HNRNPL: variants seen among roughly 807,000 people sequenced by gnomAD.
The protein encoded by HNRNPL is epididymis secretory sperm binding protein.
HNRNPL carries 12 observed loss-of-function variants against 64.0 expected under a neutral mutation model. That is an observed-to-expected ratio of 0.19 (90% CI 0.12 to 0.30). The LOEUF (loss-of-function observed/expected upper bound fraction) is 0.30, where lower values mean the gene tolerates loss of function less well. Among genes scored for constraint, HNRNPL ranks in the 10% least tolerant of loss-of-function variants. HNRNPL has a pLI of 1.00. For missense variants in HNRNPL, 484 were observed against 797.4 expected, an observed-to-expected ratio of 0.61 and a Z score of 4.73; for synonymous variants, 385 against 313.0, an observed-to-expected ratio of 1.23 and a Z score of -2.43.
At chr19:38,841,527 T>C (rs1157623294) in intron 6 of HNRNPL, 1 of 606,982 alleles carries the variant, frequency 1.6e-6, no homozygotes, top group East Asian at 6.6e-5. Context: ...TACCAGTCAT[T>C]ACAAAATGGA....
Position 38,849,877 on chromosome 19 carries a change from T to A in HNRNPL, c.90A>T (p.Gly30=). 8.1e-7 allele frequency: 1 copy of A among 1,229,394 alleles called. No individual in the cohort carries two copies. Among genetic ancestry groups the A allele is most frequent in the Non-Finnish European group, 1.1e-6 (1 of 870,194 alleles). The allele number at this position is 1,229,394 out of a possible 1,614,324, so 76.2% of individuals were successfully genotyped here. ...CCGCCGCCGCCATCTTCACCATCGC[T>A]CCCGACCGCCTCCGCTGCTCGTCCG... ...QQPDEQRRRS[G]AMVKMAAAGG... The change falls in exon 1 of 13, where the codon GGA becomes GGT. Residue 30 remains glycine, a synonymous_variant. Transcript: ENST00000221419.
Position 38,836,704 on chromosome 19 carries a change from C to T in HNRNPL, c.*18G>A. 6.3e-7 allele frequency: 1 copy of T among 1,577,928 alleles called. No individual in the cohort carries two copies. On this transcript the variant is annotated 3_prime_UTR_variant, in exon 13 of 13. Transcript: ENST00000221419. Reference sequence around the variant, plus strand: ...GAAATGTCTTCCTGCTCAGATGGGACTCTTCCTAGGCACCTAATTAGGAGG... The same window carrying T: ...GAAATGTCTTCCTGCTCAGATGGGATTCTTCCTAGGCACCTAATTAGGAGG...
rs759724902 is a variant in HNRNPL, at chr19:38,845,925, G to A, written c.552C>T (p.Asp184=). ...TGTTCACGCTCCGGGAGTCATCCGA[G>A]TCCCCAGGGCGGGAGATCTTCTGGC... The part of the protein sequence containing the change: ...STSQKISRPG[D]SDDSRSVNSV... The change falls in exon 3 of 13, where the codon GAC becomes GAT. Residue 184 remains aspartate, a synonymous_variant. Coordinates refer to ENST00000221419, the MANE Select transcript of HNRNPL (RefSeq NM_001533.3). 9 of 1,614,094 alleles carry A rather than the reference G, an allele frequency of 5.6e-6. No homozygotes were observed. The African/African-American group carries it at 8.0e-5, about 14-fold the overall frequency.
chr19:38,842,078 TTTGA>T (rs1461449969), intron 6 of HNRNPL: 3 of 119,880 alleles, frequency 2.5e-5, no homozygotes, highest in Non-Finnish European at 2.1e-5. Flanking sequence ...TTTTGGTTTT[TTTGA>T]TTTTTTTTTT....
chr19:38,845,754 G>A lies in HNRNPL; in HGVS notation c.625-19C>T, dbSNP rs944718704. The A allele has an allele frequency of 1.2e-6, 2 of 1,608,858 alleles. No homozygotes were observed. Among genetic ancestry groups the A allele is most frequent in the Middle Eastern group, 1.6e-4 (1 of 6,072 alleles). ...GAACATCCTGCAAAAGCAAACACAGGCAAGATGAAGGGGCACTGGCAGATC... is the reference window on the plus strand; with the variant it reads ...GAACATCCTGCAAAAGCAAACACAGACAAGATGAAGGGGCACTGGCAGATC... On this transcript the variant is annotated intron_variant, in intron 3 of 12. Transcript: ENST00000221419.
chr19:38,851,982 G>A (rs1415543514), upstream of HNRNPL, among the ~76,000 whole-genome samples: 3 of 152,008 alleles, frequency 2.0e-5, no homozygotes, highest in African/African-American at 7.2e-5. Flanking sequence ...TCGCGACGAA[G>A]GGCGGGGTCG....
chr19:38,846,821 T>G (rs1003250762), intron 2 of HNRNPL, among the ~76,000 whole-genome samples: 1 of 152,110 alleles, frequency 6.6e-6, no homozygotes, highest in Non-Finnish European at 1.5e-5. Flanking sequence ...GGCAGGAGAA[T>G]GGCGTGAACC....
chr19:38,849,989 C>T (rs763409034), upstream of HNRNPL: 3 of 1,325,302 alleles, frequency 2.3e-6, no homozygotes, highest in East Asian at 9.3e-5. Flanking sequence ...CCCGCCTCCC[C>T]CCGCCTCTCA....
intron 8 of HNRNPL, 138 bp downstream of exon 8, chr19:38,839,958 G>A (rs1485380414): frequency 5.4e-6 from 4 of 734,950 alleles, no homozygotes; most frequent in African/African-American, 3.5e-5. Flanking sequence ...TCTGCAAGCA[G>A]GCTGCCTGAG....
intron 8 of HNRNPL, 173 bp from the exon 9 acceptor site, chr19:38,839,188 A>C: frequency 2.8e-6 from 2 of 702,368 alleles, no homozygotes; most frequent in Non-Finnish European, 4.7e-6. Flanking sequence ...CCATAGTGAG[A>C]AGCAGAGCCT....
At chr19:38,841,749 G>T (rs185160843) in intron 6 of HNRNPL, 3 of 664,230 alleles carry the variant, frequency 4.5e-6, no homozygotes, top group Non-Finnish European at 4.7e-6. Context: ...TTTTTTTAAA[G>T]AATTGTTTTA....
chr19:38,836,682 A>AT lies in HNRNPL; in HGVS notation c.*39dup. On this transcript the variant is annotated 3_prime_UTR_variant, in exon 13 of 13. Transcript: ENST00000221419. ...AAAAAATGGCATAAAGGAAAGAGAA[A>AT]TGTCTTCCTGCTCAGATGGGACTCT... 1 of 1,395,828 alleles carries AT rather than the reference A, an allele frequency of 7.2e-7. No individual in the cohort carries two copies. Among genetic ancestry groups the AT allele is most frequent in the Non-Finnish European group, 9.9e-7 (1 of 1,011,576 alleles). The allele number at this position is 1,395,828 out of a possible 1,614,324, so 86.5% of individuals were successfully genotyped here.
intron 1 of HNRNPL, among the ~76,000 whole-genome samples, chr19:38,847,801 T>G (rs1972351566): frequency 6.6e-6 from 1 of 152,202 alleles, no homozygotes; most frequent in Admixed American, 6.5e-5. Flanking sequence ...GGAGATACAC[T>G]GGCAGCAAGG....
intron 8 of HNRNPL, chr19:38,839,657 G>A (rs373939601): frequency 1.5e-4 from 27 of 184,838 alleles, no homozygotes; most frequent in African/African-American, 5.5e-4. Flanking sequence ...AGACCCAGAC[G>A]GGTTTAATGT....
intron 6 of HNRNPL, 53 bp downstream of exon 6, chr19:38,843,789 G>A: frequency 2.1e-6 from 3 of 1,442,830 alleles, no homozygotes; most frequent in Non-Finnish European, 2.9e-6. Flanking sequence ...AAGTGCACTA[G>A]TCGAGTGAAA....
In HNRNPL at chr19:38,837,646, G is replaced by C; in HGVS notation, c.1563C>G (p.Cys521Trp). 6.2e-7 allele frequency: 1 copy of C among 1,614,076 alleles called. No individual in the cohort carries two copies. The highest frequency in any genetic ancestry group is 8.5e-7 in the Non-Finnish European group (1 of 1,179,976). ...ATGGCCGCTTCACTCCCAGCTCATC[G>C]CAGATCTGCAAAAGAAAACAGGTAG... ...EVTEENFFEI[C>W]DELGVKRPSS... Residue 521 changes from cysteine (C) to tryptophan (W), a missense_variant, in exon 11 of 13, where the codon TGC (cysteine) becomes TGG (tryptophan). Cys to Trp is a radical substitution (Grantham distance 215). This residue lies in a region of HNRNPL where 69 missense variants were observed against 91.8 expected (regional missense o/e 0.75). Coordinates refer to ENST00000221419, the MANE Select transcript of HNRNPL (RefSeq NM_001533.3).
At chr19:38,849,667 C>T (rs1004187667) in intron 1 of HNRNPL, 33 bp downstream of exon 1, 46 of 1,306,598 alleles carry the variant, frequency 3.5e-5, no homozygotes, top group Non-Finnish European at 4.3e-5. Context: ...CCCCAGTTCC[C>T]GGCCTTCCCA....
At chr19:38,840,589 C>T in intron 6 of HNRNPL, 30 bp from the exon 7 acceptor site, 1 of 1,546,498 alleles carries the variant, frequency 6.5e-7, no homozygotes, top group Non-Finnish European at 8.8e-7. Context: ...TTAGGAGTCT[C>T]ACTCAGAAAT....
At chr19:38,847,271 G>A (rs770350985) in intron 2 of HNRNPL, 45 bp downstream of exon 2, 9 of 958,166 alleles carry the variant, frequency 9.4e-6, no homozygotes, top group Admixed American at 5.8e-5. Context: ...AGGACACCCA[G>A]GAGTCAACTT....
Sources: allele counts gnomAD v4.1 joint callset (sites outside exome capture counted in the v4.1 genomes callset), GRCh38; gene constraint gnomAD v4.1.1; regional missense constraint gnomAD v4.1.1; transcripts MANE v1.5; gene names NCBI Gene and HGNC (gene_info 2026-07-23, HGNC 2026-07-21).